Variants in SLC6A11 observed in about 807,000 individuals in gnomAD.
The protein encoded by SLC6A11 is sodium- and chloride-dependent GABA transporter 3.
Under a neutral mutation model 74.8 loss-of-function variants are expected in SLC6A11, and 25 were observed. That is an observed-to-expected ratio of 0.33 (90% CI 0.24 to 0.47). The LOEUF (loss-of-function observed/expected upper bound fraction) is 0.47, where lower values mean the gene tolerates loss of function less well. Among genes scored for constraint, SLC6A11 ranks in the 20% least tolerant of loss-of-function variants. SLC6A11 has a pLI of 1.00. For synonymous variants in SLC6A11, 330 were observed against 330.2 expected, an observed-to-expected ratio of 1.00 and a Z score of 0.01; for missense variants, 574 against 837.0, an observed-to-expected ratio of 0.69 and a Z score of 3.88.
intron 8 of SLC6A11, among the ~76,000 whole-genome samples, chr3:10,921,246 T>C (rs890883236): frequency 1.3e-5 from 2 of 152,230 alleles, no homozygotes; most frequent in African/African-American, 4.8e-5. Context: ...TCTTGCTTCT[T>C]TATCCAGCCT....
chr3:10,913,448 G>A (rs1695413214), intron 7 of SLC6A11, among the ~76,000 whole-genome samples: 1 of 152,110 alleles, frequency 6.6e-6, no homozygotes, highest in Admixed American at 6.5e-5. Context: ...CAGCTTAAAT[G>A]GGTGTGTTTT....
chr3:10,856,386 A>C (rs1257302899), intron 5 of SLC6A11, among the ~76,000 whole-genome samples: 1 of 152,256 alleles, frequency 6.6e-6, no homozygotes, highest in Non-Finnish European at 1.5e-5. Context: ...GAGCTGAGGC[A>C]CATCGTTTGC....
intron 11 of SLC6A11, 69 bp from the exon 12 acceptor site, chr3:10,933,997 C>A (rs1239137799): frequency 3.0e-6 from 3 of 1,016,588 alleles, no homozygotes; most frequent in Non-Finnish European, 4.7e-6. Context: ...ACACTCCTAG[C>A]CATTCCTCTG....
At chr3:10,902,004 G>A (rs1030133238) in intron 6 of SLC6A11, among the ~76,000 whole-genome samples, 6 of 152,208 alleles carry the variant, frequency 3.9e-5, no homozygotes, top group Non-Finnish European at 2.9e-5. Context: ...TTTTCTGCCA[G>A]GCCATATAAG....
At chr3:10,908,338 A>G (rs1695337023) in intron 6 of SLC6A11, among the ~76,000 whole-genome samples, 1 of 152,176 alleles carries the variant, frequency 6.6e-6, no homozygotes, top group Non-Finnish European at 1.5e-5. Flanking sequence ...GGCTGTAGCT[A>G]ATTTCAGTAT....
At chr3:10,857,494 T>C (rs1026484134) in intron 5 of SLC6A11, among the ~76,000 whole-genome samples, 1 of 152,202 alleles carries the variant, frequency 6.6e-6, no homozygotes, top group Non-Finnish European at 1.5e-5. Context: ...TCTTCTTTCC[T>C]GTTTGACAAC....
chr3:10,895,939 G>A (rs1695166239), intron 6 of SLC6A11, among the ~76,000 whole-genome samples: 1 of 152,262 alleles, frequency 6.6e-6, no homozygotes, highest in Admixed American at 6.5e-5. Context: ...CATGTGGGCA[G>A]CTTTTGTGGC....
intron 5 of SLC6A11, 125 bp from the exon 6 acceptor site, chr3:10,874,836 G>A: frequency 1.1e-6 from 1 of 891,664 alleles, no homozygotes; most frequent in South Asian, 2.2e-5. Flanking sequence ...ACACGCGGGG[G>A]AATGCTGGTC....
chr3:10,816,514 C>T lies in SLC6A11; in HGVS notation c.249C>T (p.Asn83=), dbSNP rs893729021. 6.3e-6 allele frequency: 10 copies of T among 1,595,472 alleles called. No homozygotes were observed. Among genetic ancestry groups the T allele is most frequent in the Non-Finnish European group, 8.5e-6 (10 of 1,170,698 alleles). ...GCTTCCCCTACCTGTGCTACAAGAA[C>T]GGAGGAGGTGAGGTGATAGTGAGGA... The part of the protein sequence containing the change: ...VWRFPYLCYK[N]GGGAFLIPYV... The change falls in exon 1 of 14, where the codon AAC becomes AAT. Residue 83 remains asparagine, a synonymous_variant. Transcript: ENST00000254488. This position sits in a 1 kb window ranked among gnomAD's most constrained non-coding sequence, Gnocchi z 4.2.
At position 10,877,033 on chromosome 3, in the gene SLC6A11, G is replaced by A. The variant is rs1413518091; in HGVS notation, c.891+1938G>A. On this transcript the variant is annotated intron_variant, in intron 6 of 13. Transcript: ENST00000254488. Reference sequence around the variant, plus strand: ...GGTGACATGAAAGGGTTTTCAAAGTGGATTTGGAGAGCCCCCACTTTTCCA... The same window carrying A: ...GGTGACATGAAAGGGTTTTCAAAGTAGATTTGGAGAGCCCCCACTTTTCCA... 2.0e-5 allele frequency among the ~76,000 whole-genome samples: 3 copies of A among 152,140 alleles called. No homozygotes were observed. In the East Asian group the frequency reaches 5.8e-4, roughly 29 times the overall value.
chr3:10,910,226 T>G (rs576618612), intron 6 of SLC6A11, among the ~76,000 whole-genome samples: 1 of 152,324 alleles, frequency 6.6e-6, no homozygotes, highest in Admixed American at 6.5e-5. Context: ...TCCATTTTAA[T>G]AGGCAATTTG....
intron 12 of SLC6A11, among the ~76,000 whole-genome samples, chr3:10,934,488 C>T (rs943883344): frequency 8.5e-5 from 13 of 152,362 alleles, no homozygotes; most frequent in African/African-American, 2.9e-4. Flanking sequence ...AAAGGCCTGT[C>T]CCCATCTTGT....
chr3:10,833,892 T>C (rs1694331136), intron 4 of SLC6A11, among the ~76,000 whole-genome samples: 1 of 152,224 alleles, frequency 6.6e-6, no homozygotes, highest in South Asian at 2.1e-4. Context: ...TCTTACAGTA[T>C]AGAACAGGAA....
intron 5 of SLC6A11, among the ~76,000 whole-genome samples, chr3:10,859,471 G>A (rs1366917102): frequency 1.3e-5 from 2 of 152,076 alleles, no homozygotes; most frequent in Non-Finnish European, 2.9e-5. Context: ...CTGTGACTCT[G>A]CAATGTCTGT....
intron 6 of SLC6A11, among the ~76,000 whole-genome samples, chr3:10,901,984 A>C (rs568518494): frequency 5.3e-5 from 8 of 152,374 alleles, no homozygotes; most frequent in African/African-American, 1.4e-4. Context: ...GAAAGAGCTT[A>C]ATTCAGCCAT....
chr3:10,839,762 A>G (rs1372274431), intron 4 of SLC6A11, among the ~76,000 whole-genome samples: 1 of 152,124 alleles, frequency 6.6e-6, no homozygotes, highest in African/African-American at 2.4e-5. Flanking sequence ...AACACCTCCA[A>G]ATCATCTTAT....
At chr3:10,913,693 C>CT (rs922292893) in intron 7 of SLC6A11, among the ~76,000 whole-genome samples, 4 of 151,946 alleles carry the variant, frequency 2.6e-5, no homozygotes, top group Admixed American at 6.6e-5. Context: ...GCAACACACT[C>CT]TTTTTTTTCT....
At chr3:10,848,344 C>G (rs565185055) in intron 5 of SLC6A11, among the ~76,000 whole-genome samples, 1 of 152,210 alleles carries the variant, frequency 6.6e-6, no homozygotes, top group East Asian at 1.9e-4. Context: ...GTCCAGGAAG[C>G]GCTGGCATTA....
chr3:10,851,655 T>C (rs1401687083), intron 5 of SLC6A11, among the ~76,000 whole-genome samples: 1 of 152,202 alleles, frequency 6.6e-6, no homozygotes, highest in African/African-American at 2.4e-5. Context: ...ACAACAACCC[T>C]ATGCAGAAGG....
Sources: gnomAD v4.1 joint callset for allele counts (sites outside exome capture counted in the v4.1 genomes callset) on GRCh38, gnomAD v4.1.1 for gene constraint, Gnocchi (gnomAD v3.1) non-coding constraint, MANE v1.5 for transcripts, NCBI Gene and HGNC (gene_info 2026-07-23, HGNC 2026-07-21) for gene names.